The following SLC9A9 variants were observed in gnomAD, a reference collection of about 807,000 sequenced individuals.
SLC9A9 encodes the protein solute carrier family 9 member A9, also known as sodium/hydrogen exchanger 9.
In SLC9A9, 62 loss-of-function variants were observed where a neutral mutation model predicts 77.8. That is an observed-to-expected ratio of 0.80 (90% CI 0.65 to 0.98). SLC9A9 has a LOEUF of 0.98. Ranked by LOEUF, SLC9A9 falls within the 50% of genes least tolerant of loss-of-function variation. The pLI is 0.00. For synonymous variants in SLC9A9, 320 were observed against 283.5 expected (o/e 1.13, Z -1.29); for missense variants, 775 against 774.9 (o/e 1.00, Z 0.00).
At chr3:143,467,402 A>G (rs531241872) in intron 11 of SLC9A9, among the ~76,000 whole-genome samples, 50 of 152,326 alleles carry the variant, frequency 3.3e-4, no homozygotes, top group South Asian at 6.2e-4. Flanking sequence ...ATGCAAAACT[A>G]TAGCTCAATA....
intron 6 of SLC9A9, among the ~76,000 whole-genome samples, chr3:143,591,816 G>A (rs2037649668): frequency 6.6e-6 from 1 of 152,214 alleles, no homozygotes; most frequent in Non-Finnish European, 1.5e-5. Context: ...TACATATCGA[G>A]TTGGACAATA....
chr3:143,464,017 C>A (rs936286881), intron 12 of SLC9A9, among the ~76,000 whole-genome samples: 1 of 152,064 alleles, frequency 6.6e-6, no homozygotes, highest in Non-Finnish European at 1.5e-5. Flanking sequence ...ATTAAAAAAA[C>A]TAATTCAAGT....
intron 6 of SLC9A9, among the ~76,000 whole-genome samples, chr3:143,584,654 A>G (rs561176392): frequency 6.6e-6 from 1 of 152,342 alleles, no homozygotes; most frequent in South Asian, 2.1e-4. Context: ...GTTCTTGATT[A>G]GTTGGAACAT....
chr3:143,544,495 C>A (rs895482985), intron 9 of SLC9A9, among the ~76,000 whole-genome samples: 2 of 152,064 alleles, frequency 1.3e-5, no homozygotes, highest in African/African-American at 4.8e-5. Flanking sequence ...CCAAAGTGCC[C>A]TTTGCCCAAT....
chr3:143,575,940 C>T (rs1026653722), intron 7 of SLC9A9, among the ~76,000 whole-genome samples: 7 of 152,266 alleles, frequency 4.6e-5, no homozygotes, highest in East Asian at 3.9e-4. Flanking sequence ...AAATACTGCA[C>T]GATCAATGTC....
At chr3:143,727,532 A>G (rs6788145) in intron 4 of SLC9A9, among the ~76,000 whole-genome samples, 137,717 of 152,130 alleles carry the variant, frequency 0.91, 62,391 homozygotes, top group East Asian at 1. Flanking sequence ...CTTTAGGACC[A>G]ACACTAGTTT....
intron 14 of SLC9A9, among the ~76,000 whole-genome samples, chr3:143,306,883 A>G (rs546958488): frequency 1.3e-5 from 2 of 152,308 alleles, no homozygotes; most frequent in African/African-American, 4.8e-5. Context: ...CTTTTCTCAA[A>G]CATGCTTTTC....
At chr3:143,396,686 A>T (rs2033738931) in intron 12 of SLC9A9, among the ~76,000 whole-genome samples, 1 of 152,202 alleles carries the variant, frequency 6.6e-6, no homozygotes, top group South Asian at 2.1e-4. Context: ...TGGTAGTGGT[A>T]TTAATAGATA....
chr3:143,494,044 A>G (rs2035793485), intron 10 of SLC9A9, among the ~76,000 whole-genome samples: 1 of 152,216 alleles, frequency 6.6e-6, no homozygotes, highest in South Asian at 2.1e-4. Context: ...TCACATTTAT[A>G]TTGCTGATGA....
chr3:143,788,994 C>A (rs1007231966), intron 4 of SLC9A9, among the ~76,000 whole-genome samples: 5 of 151,810 alleles, frequency 3.3e-5, no homozygotes, highest in Non-Finnish European at 7.4e-5. Context: ...ACTAGATTGG[C>A]AAAAATTAAG....
intron 2 of SLC9A9, among the ~76,000 whole-genome samples, chr3:143,820,293 A>C (rs2009133455): frequency 6.6e-6 from 1 of 152,188 alleles, no homozygotes; most frequent in Non-Finnish European, 1.5e-5. Context: ...CAGCTGCTGA[A>C]TTTGTTCTCA....
chr3:143,754,642 C>A (rs189935514), intron 4 of SLC9A9, among the ~76,000 whole-genome samples: 164 of 152,220 alleles, frequency 1.1e-3, no homozygotes, highest in Non-Finnish European at 1.5e-3. Context: ...AAGGGCAAGT[C>A]CAACAGAGGC....
intron 6 of SLC9A9, among the ~76,000 whole-genome samples, chr3:143,614,798 T>C (rs925295638): frequency 6.6e-6 from 1 of 152,202 alleles, no homozygotes; most frequent in Non-Finnish European, 1.5e-5. Flanking sequence ...TCTGAGATAT[T>C]ATCTGACTAA....
At chr3:143,410,182 C>G (rs2034065516) in intron 12 of SLC9A9, among the ~76,000 whole-genome samples, 1 of 152,144 alleles carries the variant, frequency 6.6e-6, no homozygotes, top group Non-Finnish European at 1.5e-5. Context: ...ACATCAGGGC[C>G]CACACTGGAC....
At chr3:143,316,233 GATTTCTTTC>G (rs2031209414) in intron 14 of SLC9A9, among the ~76,000 whole-genome samples, 1 of 152,174 alleles carries the variant, frequency 6.6e-6, no homozygotes, top group Admixed American at 6.5e-5. Flanking sequence ...GGGGTTGCTG[GATTTCTTTC>G]ATTTTTGTCA....
chr3:143,666,585 C>T (rs1172167097), intron 5 of SLC9A9, among the ~76,000 whole-genome samples: 4 of 152,068 alleles, frequency 2.6e-5, no homozygotes, highest in African/African-American at 9.7e-5. Flanking sequence ...TTTAGAAAAC[C>T]CCATAGTCTC....
chr3:143,469,890 C>A (rs1292635346), intron 11 of SLC9A9, among the ~76,000 whole-genome samples: 2 of 152,134 alleles, frequency 1.3e-5, no homozygotes, highest in Non-Finnish European at 2.9e-5. Flanking sequence ...AAAGTTCTTA[C>A]ACATCAGAAA....
In SLC9A9 at chr3:143,404,235, G is replaced by A. The variant is rs532976000; in HGVS notation, c.1470-22121C>T. On this transcript the variant is annotated intron_variant, in intron 12 of 15. Transcript: ENST00000316549. ...GTCACCCAGGCTAGAGCGCAGTGGCGTGATCTGAGCTCACTGCAACTTCTG... is the reference window on the plus strand; with the variant it reads ...GTCACCCAGGCTAGAGCGCAGTGGCATGATCTGAGCTCACTGCAACTTCTG... 2.9e-4 allele frequency among the ~76,000 whole-genome samples: 44 copies of A among 150,200 alleles called. No individual in the cohort carries two copies. The Middle Eastern group carries it at 0.01, about 35-fold the overall frequency.
chr3:143,503,099 G>A (rs1304779243), intron 9 of SLC9A9, among the ~76,000 whole-genome samples: 1 of 152,178 alleles, frequency 6.6e-6, no homozygotes, highest in Non-Finnish European at 1.5e-5. Flanking sequence ...CTCTATTGAT[G>A]GTGCAGGACA....
Sources: allele counts gnomAD v4.1 joint callset (sites outside exome capture counted in the v4.1 genomes callset), GRCh38; gene constraint gnomAD v4.1.1; transcripts MANE v1.5; gene names NCBI Gene and HGNC (gene_info 2026-07-23, HGNC 2026-07-21).